HS6ST3: variants seen among roughly 807,000 people sequenced by gnomAD.
The protein encoded by HS6ST3 is heparan sulfate 6-O-sulfotransferase 3, also known as heparan-sulfate 6-O-sulfotransferase 3.
A neutral mutation model predicts 36.7 loss-of-function variants in HS6ST3; 12 were observed. The ratio of observed to expected loss-of-function variants is 0.33; its 90% CI spans 0.21 to 0.53. The LOEUF is 0.53. Ranked by LOEUF, HS6ST3 falls within the 20% of genes least tolerant of loss-of-function variation. The pLI is 0.95. For missense variants in HS6ST3, 584 were observed against 640.9 expected (o/e 0.91, Z 0.96); for synonymous variants, 240 against 257.5 (o/e 0.93, Z 0.65).
chr13:96,812,237 A>G (rs1351727671), intron 1 of HS6ST3, among the ~76,000 whole-genome samples: 1 of 152,180 alleles, frequency 6.6e-6, no homozygotes, highest in African/African-American at 2.4e-5. Flanking sequence ...AAAAATTAAT[A>G]CTAGTCATCC....
intron 1 of HS6ST3, among the ~76,000 whole-genome samples, chr13:96,831,648 A>G (rs531828283): frequency 6.6e-6 from 1 of 152,246 alleles, no homozygotes; most frequent in South Asian, 2.1e-4. Context: ...AATCCCAAGT[A>G]GCAGTATAAA....
intron 1 of HS6ST3, among the ~76,000 whole-genome samples, chr13:96,644,006 T>G (rs908626031): frequency 6.6e-6 from 1 of 152,082 alleles, no homozygotes; most frequent in East Asian, 1.9e-4. Flanking sequence ...TCTGACATTT[T>G]TTGCCATTAT....
At chr13:96,795,475 C>T (rs1019142555) in intron 1 of HS6ST3, among the ~76,000 whole-genome samples, 2 of 151,960 alleles carry the variant, frequency 1.3e-5, no homozygotes, top group Admixed American at 6.6e-5. Flanking sequence ...TCATCAGTGG[C>T]GGAAGCAGGA....
chr13:96,434,967 C>T lies in HS6ST3; in HGVS notation c.707+343398C>T, dbSNP rs550434383. 3.9e-4 allele frequency among the ~76,000 whole-genome samples: 59 copies of T among 152,146 alleles called. 1 individual carries two copies. The highest frequency in any genetic ancestry group is 1.4e-3 in the African/African-American group (58 of 41,528). On this transcript the variant is annotated intron_variant, in intron 1 of 1. Coordinates refer to ENST00000376705, the MANE Select transcript of HS6ST3 (RefSeq NM_153456.4). ...AGTTGTTTGTCTTAATGGACAAAACCATTTTTGTCTGCCTAACTTTAATTT... is the reference window on the plus strand; with the variant it reads ...AGTTGTTTGTCTTAATGGACAAAACTATTTTTGTCTGCCTAACTTTAATTT...
chr13:96,498,423 T>A (rs964213932), intron 1 of HS6ST3, among the ~76,000 whole-genome samples: 1 of 152,080 alleles, frequency 6.6e-6, no homozygotes, highest in Non-Finnish European at 1.5e-5. Context: ...AGTTTCTGAG[T>A]CCCAGCAGCA....
Position 96,370,612 on chromosome 13 carries a change from T to G in HS6ST3, c.707+279043T>G, listed in dbSNP as rs541082206. On this transcript the variant is annotated intron_variant, in intron 1 of 1. Transcript: ENST00000376705. ...TAGATTTTGTCTTCATCACTCCCATTTAAAAAAATCCATTATTGGCCAGGT... is the reference window on the plus strand; with the variant it reads ...TAGATTTTGTCTTCATCACTCCCATGTAAAAAAATCCATTATTGGCCAGGT... Among the ~76,000 whole-genome samples the G allele has an allele frequency of 3.3e-5, 5 of 152,240 alleles. No homozygotes were observed. In the South Asian group the frequency reaches 1.0e-3, roughly 32 times the overall value.
At chr13:96,776,575 T>A (rs769950553) in intron 1 of HS6ST3, among the ~76,000 whole-genome samples, 5 of 152,054 alleles carry the variant, frequency 3.3e-5, no homozygotes, top group Non-Finnish European at 7.4e-5. Context: ...TCTACATAAA[T>A]AAACTACAAC....
rs189104686 is a variant in HS6ST3, at chr13:96,733,260, T to C, written c.708-99230T>C. Among the ~76,000 whole-genome samples the C allele has an allele frequency of 6.6e-5, 10 of 152,326 alleles. No individual in the cohort carries two copies. The East Asian group carries it at 1.9e-3, about 29-fold the overall frequency. ...TTTTCCCCATTGAGTATGATGTTAG[T>C]CATGGTTTGTCATCTATCGACTTTG... On this transcript the variant is annotated intron_variant, in intron 1 of 1. Coordinates refer to ENST00000376705, the MANE Select transcript of HS6ST3 (RefSeq NM_153456.4).
chr13:96,564,746 A>G (rs916738573), intron 1 of HS6ST3, among the ~76,000 whole-genome samples: 2 of 152,122 alleles, frequency 1.3e-5, no homozygotes, highest in Non-Finnish European at 2.9e-5. Context: ...CATGACCCTA[A>G]ATAAATACAC....
At chr13:96,686,362 T>C (rs1874778278) in intron 1 of HS6ST3, among the ~76,000 whole-genome samples, 1 of 152,030 alleles carries the variant, frequency 6.6e-6, no homozygotes, top group Non-Finnish European at 1.5e-5. Context: ...ATTGCCTGTG[T>C]AAACAGTGCT....
intron 1 of HS6ST3, among the ~76,000 whole-genome samples, chr13:96,218,115 C>T (rs2054436300): frequency 1.3e-5 from 2 of 152,108 alleles, no homozygotes; most frequent in Non-Finnish European, 2.9e-5. Context: ...AATATGCAAG[C>T]CAGAAGACCC....
intron 1 of HS6ST3, among the ~76,000 whole-genome samples, chr13:96,501,512 G>A (rs1447438287): frequency 6.6e-6 from 1 of 152,160 alleles, no homozygotes; most frequent in African/African-American, 2.4e-5. Flanking sequence ...CCTGTAAATG[G>A]AGATAATAGT....
At chr13:96,673,043 G>A (rs2784792) in intron 1 of HS6ST3, among the ~76,000 whole-genome samples, 150,825 of 152,254 alleles carry the variant, frequency 0.99, 74,717 homozygotes, top group Middle Eastern at 1. Context: ...CTCCTTCCAG[G>A]GGCTCTAGAG....
At chr13:96,746,999 T>A (rs1876578047) in intron 1 of HS6ST3, among the ~76,000 whole-genome samples, 1 of 152,124 alleles carries the variant, frequency 6.6e-6, no homozygotes, top group Non-Finnish European at 1.5e-5. Context: ...AAAGCTTTGC[T>A]TTGACTTCCA....
At chr13:96,295,823 C>T (rs745459692) in intron 1 of HS6ST3, among the ~76,000 whole-genome samples, 2 of 152,072 alleles carry the variant, frequency 1.3e-5, no homozygotes, top group Admixed American at 6.6e-5. Flanking sequence ...AGGTTTGATG[C>T]GCTGATTGTC....
chr13:96,390,384 A>G (rs187779432), intron 1 of HS6ST3, among the ~76,000 whole-genome samples: 18 of 152,268 alleles, frequency 1.2e-4, no homozygotes, highest in Admixed American at 3.3e-4. Context: ...ATCCCCTCAT[A>G]TAAAAGACCT....
intron 1 of HS6ST3, among the ~76,000 whole-genome samples, chr13:96,737,844 A>C (rs924991558): frequency 6.6e-6 from 1 of 151,300 alleles, no homozygotes; most frequent in Non-Finnish European, 1.5e-5. Flanking sequence ...TTTGGCTCTG[A>C]CCCCCCTCCC....
chr13:96,668,168 G>A (rs1004256863), intron 1 of HS6ST3, among the ~76,000 whole-genome samples: 3 of 151,482 alleles, frequency 2.0e-5, no homozygotes, highest in Admixed American at 6.6e-5. Flanking sequence ...TCTCACACAC[G>A]CATACACACA....
intron 1 of HS6ST3, among the ~76,000 whole-genome samples, chr13:96,629,830 TG>T (rs962970268): frequency 6.6e-6 from 1 of 152,072 alleles, no homozygotes; most frequent in African/African-American, 2.4e-5. Flanking sequence ...CTAAATGCAA[TG>T]TTTTTTTTTT....
Sources: gnomAD v4.1 joint callset for allele counts (sites outside exome capture counted in the v4.1 genomes callset) on GRCh38, gnomAD v4.1.1 for gene constraint, MANE v1.5 for transcripts, NCBI Gene and HGNC (gene_info 2026-07-23, HGNC 2026-07-21) for gene names.